DNAH3: variants seen among roughly 807,000 people sequenced by gnomAD.
DNAH3 encodes the protein axonemal beta dynein heavy chain 3.
Under a neutral mutation model 432.5 loss-of-function variants are expected in DNAH3, and 332 were observed. The ratio of observed to expected loss-of-function variants is 0.77; its 90% CI spans 0.70 to 0.84. DNAH3 has a LOEUF of 0.84. DNAH3 is among the 40% of genes least tolerant of loss of function. The probability of loss-of-function intolerance (pLI) is 0.00; values close to 1 mark genes in which losing one functional copy is unlikely to be tolerated. For missense variants in DNAH3, 4,861 were observed against 5,114.0 expected (o/e 0.95, Z 1.51); for synonymous variants, 1,956 against 1,900.2 (o/e 1.03, Z -0.76).
intron 15 of DNAH3, among the ~76,000 whole-genome samples, chr16:21,106,131 G>C (rs1364302514): frequency 7.4e-6 from 1 of 135,262 alleles, no homozygotes; most frequent in African/African-American, 2.8e-5. Context: ...AGTGAGCCTA[G>C]ATTACACCAC....
Position 21,145,340 on chromosome 16 carries a change from AG to A in DNAH3, c.288del (p.Phe97SerfsTer20), listed in dbSNP as rs2092769677. The stretch of plus-strand genomic sequence containing the variant: ...CCACGGTGGTGATGCTGTTCTTTGA[AG>A]GGTGCAGCCAAGGTCCATGACGTGC... On this transcript the variant is annotated frameshift_variant, in exon 3 of 62. Coordinates refer to ENST00000261383, the Ensembl canonical transcript of DNAH3. LOFTEE classifies it high-confidence loss of function. The A allele has an allele frequency of 6.2e-7, 1 of 1,614,046 alleles. No individual in the cohort carries two copies. Among genetic ancestry groups the A allele is most frequent in the African/African-American group, 1.3e-5 (1 of 74,912 alleles).
chr16:20,951,214 C>G (rs770248623), intron 56 of DNAH3, among the ~76,000 whole-genome samples: 1 of 152,098 alleles, frequency 6.6e-6, no homozygotes, highest in Non-Finnish European at 1.5e-5. Context: ...TACAAAACAG[C>G]TAGTGCCATT....
intron 53 of DNAH3, among the ~76,000 whole-genome samples, chr16:20,961,516 AAAAT>A (rs1370085378): frequency 8.7e-6 from 1 of 115,372 alleles, no homozygotes; most frequent in East Asian, 2.8e-4. Flanking sequence ...AATGAATAAA[AAAAT>A]AAAATAAAAT....
At chr16:21,071,940 A>T (rs2090798359) in intron 21 of DNAH3, among the ~76,000 whole-genome samples, 1 of 152,046 alleles carries the variant, frequency 6.6e-6, no homozygotes, top group Non-Finnish European at 1.5e-5. Flanking sequence ...TGCGGTTTCC[A>T]CACTGTGAAC....
intron 37 of DNAH3, among the ~76,000 whole-genome samples, chr16:21,030,128 A>C (rs1006555392): frequency 4.6e-5 from 7 of 152,182 alleles, no homozygotes; most frequent in Non-Finnish European, 1.0e-4. Context: ...GGCCCAGCCC[A>C]TATGCACTTT....
At chr16:20,988,262 TCTTC>T in intron 44 of DNAH3, among the ~76,000 whole-genome samples, 197 bp from the exon 45 acceptor site, 1 of 152,308 alleles carries the variant, frequency 6.6e-6, no homozygotes, top group Admixed American at 6.5e-5. Context: ...TTAAAAATGC[TCTTC>T]CTTAGTCTCA....
intron 19 of DNAH3, among the ~76,000 whole-genome samples, chr16:21,085,806 TACC>T (rs1321976100): frequency 6.6e-6 from 1 of 151,768 alleles, no homozygotes; most frequent in East Asian, 1.9e-4. Flanking sequence ...GTCCCCCCGT[TACC>T]CAGGCTGGAG....
intron 41 of DNAH3, among the ~76,000 whole-genome samples, chr16:21,013,735 A>T (rs554410906): frequency 2.8e-4 from 43 of 151,468 alleles, no homozygotes; most frequent in Admixed American, 8.5e-4. Flanking sequence ...AAAAAAAAAA[A>T]AAAAACTAAA....
In DNAH3 at chr16:21,105,714, C is replaced by T. The variant is rs140806467; in HGVS notation, c.2284+776G>A. Among the ~76,000 whole-genome samples, 160 of 151,710 alleles carry T rather than the reference C, an allele frequency of 1.1e-3. 1 individual carries two copies. Among genetic ancestry groups the T allele is most frequent in the African/African-American group, 3.6e-3 (151 of 41,372 alleles). On this transcript the variant is annotated intron_variant, in intron 15 of 61. Transcript: ENST00000261383. ...CTGAGAGGCAGAGGTTGCAGTGAGCCGAGGGTGGCACTGCACTACAGCCTG... is the reference window on the plus strand; with the variant it reads ...CTGAGAGGCAGAGGTTGCAGTGAGCTGAGGGTGGCACTGCACTACAGCCTG...
chr16:21,140,772 G>T, intron 4 of DNAH3, 62 bp from the exon 6 acceptor site: 1 of 1,524,946 alleles, frequency 6.6e-7, no homozygotes, highest in Non-Finnish European at 9.0e-7. Context: ...CTGTGGTGTT[G>T]CCTACTTTCC....
intron 21 of DNAH3, 88 bp downstream of exon 21, chr16:21,075,359 T>C (rs1289284534): frequency 3.2e-6 from 3 of 934,280 alleles, no homozygotes; most frequent in Non-Finnish European, 5.3e-6. Context: ...GTGAGTTCTG[T>C]TGCCATTCTG....
At chr16:21,067,381 T>G in exon 24 of DNAH3, 1 of 1,613,984 alleles carries the variant, frequency 6.2e-7, no homozygotes, top group East Asian at 2.2e-5. Context: ...CTGCCATCCG[T>G]GGCTGGTCGG....
chr16:21,008,918 G>T (rs747196192), intron 41 of DNAH3, among the ~76,000 whole-genome samples: 2 of 152,130 alleles, frequency 1.3e-5, no homozygotes, highest in Non-Finnish European at 2.9e-5. Flanking sequence ...AACGTTTGTT[G>T]TTGCTGATTT....
chr16:20,982,651 C>T, intron 49 of DNAH3, 70 bp downstream of exon 49: 4 of 1,358,660 alleles, frequency 2.9e-6, no homozygotes, highest in Non-Finnish European at 4.0e-6. Flanking sequence ...AAAACAACAA[C>T]AAAAATAGAG....
At chr16:21,106,496 A>C in exon 15 of DNAH3, 1 of 1,600,720 alleles carries the variant, frequency 6.2e-7, no homozygotes, top group Non-Finnish European at 8.5e-7. Context: ...TTACACGGCA[A>C]GTCTGCATAG....
At chr16:20,962,998 T>A (rs1318516339) in intron 53 of DNAH3, among the ~76,000 whole-genome samples, 2 of 151,970 alleles carry the variant, frequency 1.3e-5, no homozygotes, top group Non-Finnish European at 2.9e-5. Context: ...GAATGAATTA[T>A]CAAGATACAA....
intron 56 of DNAH3, 99 bp from the exon 57 acceptor site, chr16:20,948,736 T>TGCTGGG: frequency 7.5e-7 from 1 of 1,328,278 alleles, no homozygotes; most frequent in Non-Finnish European, 1.1e-6. Flanking sequence ...CAAAGATCTC[T>TGCTGGG]GCTGGGACAT....
In DNAH3 at chr16:20,944,195, G is replaced by A. The variant is rs895207619; in HGVS notation, c.11511+301C>T. ...TTTAAAACATTATGTAGAAAAAAAAGCAAAAGAAAAAAAAAAAGAATAAAA... is the reference window on the plus strand; with the variant it reads ...TTTAAAACATTATGTAGAAAAAAAAACAAAAGAAAAAAAAAAAGAATAAAA... On this transcript the variant is annotated intron_variant, in intron 58 of 61. Coordinates refer to ENST00000261383, the Ensembl canonical transcript of DNAH3. Among the ~76,000 whole-genome samples, 3 of 4,090 alleles carry A rather than the reference G, an allele frequency of 7.3e-4. No individual in the cohort carries two copies. In the African/African-American group the frequency reaches 8.4e-3, roughly 11 times the overall value. 2.7% of individuals were successfully genotyped at this position (4,090 alleles called of 152,430 possible). A position where few individuals can be genotyped will look rare whatever the true frequency, so the allele number is the denominator to read the frequency against.
intron 41 of DNAH3, among the ~76,000 whole-genome samples, chr16:21,004,558 G>A (rs1164883724): frequency 6.6e-6 from 1 of 152,048 alleles, no homozygotes; most frequent in Non-Finnish European, 1.5e-5. Context: ...AGTAGACACA[G>A]GGTTTTGCCA....
Sources: allele counts gnomAD v4.1 joint callset (sites outside exome capture counted in the v4.1 genomes callset), GRCh38; gene constraint gnomAD v4.1.1; transcripts MANE v1.5; gene names NCBI Gene and HGNC (gene_info 2026-07-23, HGNC 2026-07-21).